AGMO: variants seen among roughly 807,000 people sequenced by gnomAD.
The protein encoded by AGMO is alkylglycerol monooxygenase.
In AGMO, 75 loss-of-function variants were observed where a neutral mutation model predicts 60.2. That is an observed-to-expected ratio of 1.25 (90% CI 1.03 to 1.51). The LOEUF is 1.51. Among genes scored for constraint, AGMO ranks in the 40% most tolerant of loss-of-function variants. AGMO has a pLI of 0.00. For missense variants in AGMO, 763 were observed against 525.5 expected (o/e 1.45, Z -4.42); for synonymous variants, 261 against 177.1 (o/e 1.47, Z -3.76).
At chr7:15,136,400 A>G in the AGMO span, among the ~76,000 whole-genome samples, 1 of 152,158 alleles carries the variant, frequency 6.6e-6, no homozygotes, top group Non-Finnish European at 1.5e-5. Flanking sequence ...TGTCAGCTGC[A>G]CTATTCCATT....
At chr7:15,405,133 TA>T (rs1219940693) in intron 5 of AGMO, among the ~76,000 whole-genome samples, 5 of 151,780 alleles carry the variant, frequency 3.3e-5, no homozygotes, top group Non-Finnish European at 5.9e-5. Flanking sequence ...TCTTAGGGAT[TA>T]AAAAATCTAT....
chr7:15,460,334 C>T (rs1281650980), intron 3 of AGMO, among the ~76,000 whole-genome samples: 1 of 151,948 alleles, frequency 6.6e-6, no homozygotes, highest in Non-Finnish European at 1.5e-5. Flanking sequence ...AGTCATCCAC[C>T]CACCTCACAT....
At chr7:15,144,524 C>A in the AGMO span, among the ~76,000 whole-genome samples, 1 of 151,958 alleles carries the variant, frequency 6.6e-6, no homozygotes, top group African/African-American at 2.4e-5. Flanking sequence ...TTCAGAAATC[C>A]CTAACATCTT....
At chr7:15,369,965 A>G (rs1280414110) in intron 10 of AGMO, among the ~76,000 whole-genome samples, 2 of 152,140 alleles carry the variant, frequency 1.3e-5, no homozygotes, top group African/African-American at 4.8e-5. Flanking sequence ...TTACATTAGT[A>G]TATTGCCTGA....
At chr7:15,213,741 A>G (rs531632014) in intron 12 of AGMO, among the ~76,000 whole-genome samples, 9 of 152,098 alleles carry the variant, frequency 5.9e-5, no homozygotes, top group South Asian at 2.1e-4. Context: ...AAAATTTTAC[A>G]AAGTTAGGAT....
the AGMO span, among the ~76,000 whole-genome samples, chr7:15,140,673 T>C: frequency 2.0e-5 from 3 of 152,160 alleles, no homozygotes; most frequent in African/African-American, 7.2e-5. Flanking sequence ...TCAACCCATA[T>C]ATTAAGGTTT....
intron 10 of AGMO, 67 bp downstream of exon 10, chr7:15,385,379 C>G: frequency 9.1e-7 from 1 of 1,100,256 alleles, no homozygotes. Context: ...ATATGGGGAG[C>G]TTATTTTCAT....
At chr7:15,249,706 G>C (rs1352362281) in intron 12 of AGMO, among the ~76,000 whole-genome samples, 3 of 152,084 alleles carry the variant, frequency 2.0e-5, no homozygotes, top group African/African-American at 7.2e-5. Context: ...GGAAATAAAA[G>C]GGGTGGTGGG....
chr7:15,281,422 C>T lies in AGMO; in HGVS notation c.1264-80063G>A, dbSNP rs201107660. ...AGGAGAAGGGCCCTCCAGGTTCAGGCTTGCACAAGGAGTACAGTCACAATT... is the reference window on the plus strand; with the variant it reads ...AGGAGAAGGGCCCTCCAGGTTCAGGTTTGCACAAGGAGTACAGTCACAATT... On this transcript the variant is annotated intron_variant, in intron 12 of 12. Coordinates refer to ENST00000342526, the MANE Select transcript of AGMO (RefSeq NM_001004320.2). Among the ~76,000 whole-genome samples the T allele has an allele frequency of 3.9e-5, 6 of 152,258 alleles. No homozygotes were observed. The East Asian group carries it at 1.2e-3, about 29-fold the overall frequency.
chr7:15,375,257 C>T (rs1345032030), intron 10 of AGMO, among the ~76,000 whole-genome samples: 1 of 151,924 alleles, frequency 6.6e-6, no homozygotes, highest in Non-Finnish European at 1.5e-5. Flanking sequence ...TAATAGGAAA[C>T]TTTTATTTTC....
intron 3 of AGMO, among the ~76,000 whole-genome samples, chr7:15,531,500 C>CTG (rs1251313462): frequency 3.0e-5 from 1 of 33,738 alleles, no homozygotes; most frequent in Non-Finnish European, 5.4e-5. Context: ...TATATATATT[C>CTG]TATATATATT....
At chr7:15,293,508 C>T (rs756117259) in intron 12 of AGMO, among the ~76,000 whole-genome samples, 11 of 152,084 alleles carry the variant, frequency 7.2e-5, no homozygotes, top group Non-Finnish European at 1.2e-4. Context: ...TACCTCTATG[C>T]ACCAACCTAT....
intron 12 of AGMO, among the ~76,000 whole-genome samples, chr7:15,354,228 T>C (rs982324390): frequency 2.7e-5 from 4 of 149,280 alleles, no homozygotes; most frequent in Non-Finnish European, 1.5e-5. Context: ...ATCAGTTATT[T>C]TCTATGTACC....
At chr7:15,222,941 C>G (rs1422039403) in intron 12 of AGMO, among the ~76,000 whole-genome samples, 1 of 125,266 alleles carries the variant, frequency 8.0e-6, no homozygotes, top group Non-Finnish European at 1.5e-5. Context: ...AGTTAATATA[C>G]AATTTTTCCA....
chr7:15,160,548 C>T, the AGMO span, among the ~76,000 whole-genome samples: 2 of 151,774 alleles, frequency 1.3e-5, no homozygotes, highest in East Asian at 1.9e-4. Flanking sequence ...ATCTGATCTA[C>T]CTAAATGTAC....
rs565200242 is a variant in AGMO, at chr7:15,329,916, G to A, written c.1263+35598C>T. On this transcript the variant is annotated intron_variant, in intron 12 of 12. Coordinates refer to ENST00000342526, the MANE Select transcript of AGMO (RefSeq NM_001004320.2). ...GGTCTCTAAAGTTAACAGAGTAGCAGCACTGTGCTTTAGGTCAGAGGACTG... is the reference window on the plus strand; with the variant it reads ...GGTCTCTAAAGTTAACAGAGTAGCAACACTGTGCTTTAGGTCAGAGGACTG... 4.3e-4 allele frequency among the ~76,000 whole-genome samples: 65 copies of A among 152,270 alleles called. 1 individual carries two copies. The East Asian group carries it at 0.012, about 28-fold the overall frequency.
intron 3 of AGMO, among the ~76,000 whole-genome samples, chr7:15,457,275 C>T (rs1782022472): frequency 6.6e-6 from 1 of 152,102 alleles, no homozygotes; most frequent in Non-Finnish European, 1.5e-5. Flanking sequence ...TTGATAAATG[C>T]ATATTTCCCT....
the AGMO span, among the ~76,000 whole-genome samples, chr7:15,141,042 C>T: frequency 1.3e-5 from 2 of 152,060 alleles, no homozygotes; most frequent in Non-Finnish European, 2.9e-5. Flanking sequence ...ACAAATGAGA[C>T]CAATTTATCT....
rs1781440900 is a variant in AGMO at position 15,437,741 on chromosome 7, C to T, written c.410-6633G>A. ...ATTTTTAGTAGAGACGGGGTTTCAC[C>T]GTGTTAGCCAGGATGGTCTTGATCT... On this transcript the variant is annotated intron_variant, in intron 3 of 12. Transcript: ENST00000342526. Among the ~76,000 whole-genome samples the T allele has an allele frequency of 2.0e-5, 3 of 152,158 alleles. No homozygotes were observed. The South Asian group carries it at 6.2e-4, about 32-fold the overall frequency.
Sources: gnomAD v4.1 joint callset for allele counts (sites outside exome capture counted in the v4.1 genomes callset) on GRCh38, gnomAD v4.1.1 for gene constraint, MANE v1.5 for transcripts, NCBI Gene and HGNC (gene_info 2026-07-23, HGNC 2026-07-21) for gene names.